The following ARHGEF7 variants were observed in gnomAD, a reference collection of about 807,000 sequenced individuals.
The protein encoded by ARHGEF7 is PAK-interacting exchange factor beta.
A neutral mutation model predicts 109.8 loss-of-function variants in ARHGEF7; 33 were observed. That is an observed-to-expected ratio of 0.30 (90% confidence interval 0.23 to 0.40). The LOEUF (loss-of-function observed/expected upper bound fraction) is 0.40. Among genes scored for constraint, ARHGEF7 ranks in the 10% least tolerant of loss-of-function variants. The pLI, the probability that ARHGEF7 is intolerant of heterozygous loss-of-function variation, is 1.00. For missense variants in ARHGEF7, 938 were observed against 1,098.5 expected, an observed-to-expected ratio of 0.85 and a Z score of 2.07; for synonymous variants, 458 against 424.6, an observed-to-expected ratio of 1.08 and a Z score of -0.97.
intron 19 of ARHGEF7, among the ~76,000 whole-genome samples, chr13:111,298,342 C>T (rs921339530): frequency 2.0e-5 from 3 of 152,214 alleles, no homozygotes; most frequent in African/African-American, 7.2e-5. Flanking sequence ...GGCTGGCACC[C>T]CATGCTCTGC....
At chr13:111,181,772 T>C (rs1191963667) in intron 2 of ARHGEF7, among the ~76,000 whole-genome samples, 1 of 152,062 alleles carries the variant, frequency 6.6e-6, no homozygotes, top group South Asian at 2.1e-4. Flanking sequence ...GCAGCTGTCA[T>C]GGGGTTGGGA....
rs560122781 is a variant in ARHGEF7, at chr13:111,248,474, T to C, written c.950+4180T>C. Among the ~76,000 whole-genome samples, 24 of 152,232 alleles carry C rather than the reference T, an allele frequency of 1.6e-4. 1 individual carries two copies. The highest frequency in any genetic ancestry group is 5.5e-4 in the African/African-American group (23 of 41,488). ...TTCAAATATTTTGCTGCTTTACTGT[T>C]TCTACTCTGCCTTGGGGCTCCAGTT... is the stretch of plus-strand genomic sequence containing the variant. On this transcript the variant is annotated intron_variant, in intron 8 of 21. Transcript: ENST00000646102.
intron 3 of ARHGEF7, among the ~76,000 whole-genome samples, chr13:111,208,869 G>A (rs1287553828): frequency 6.6e-6 from 1 of 152,178 alleles, no homozygotes; most frequent in Non-Finnish European, 1.5e-5. Flanking sequence ...AAGGGCATGG[G>A]TGCTGGGTCC....
chr13:111,293,040 C>G (rs1285123946), intron 19 of ARHGEF7: 1 of 985,296 alleles, frequency 1.0e-6, no homozygotes, highest in Non-Finnish European at 1.2e-6. Context: ...GATGTTCACT[C>G]GCATCTTCAC....
chr13:111,195,600 C>T (rs539140576), intron 2 of ARHGEF7, among the ~76,000 whole-genome samples: 81 of 152,306 alleles, frequency 5.3e-4, no homozygotes, highest in Non-Finnish European at 9.3e-4. Flanking sequence ...CAAGAGCTGG[C>T]GCTTGCTCTG....
intron 2 of ARHGEF7, among the ~76,000 whole-genome samples, chr13:111,160,950 A>AGT (rs2076694966): frequency 6.6e-6 from 1 of 152,214 alleles, no homozygotes. Context: ...TCTTTGTAAC[A>AGT]GTGTGAACGT....
chr13:111,225,803 C>A (rs528899907), intron 5 of ARHGEF7, among the ~76,000 whole-genome samples: 1 of 152,190 alleles, frequency 6.6e-6, no homozygotes, highest in East Asian at 1.9e-4. Flanking sequence ...CCATGTTTTT[C>A]CCCAGGCCAC....
chr13:111,281,825 C>T (rs72653558), intron 15 of ARHGEF7, among the ~76,000 whole-genome samples: 16,545 of 152,232 alleles, frequency 0.11, 1,218 homozygotes, highest in Middle Eastern at 0.2. Flanking sequence ...ATCCCTTCAG[C>T]GGGGAAGGCA....
intron 19 of ARHGEF7, chr13:111,295,136 T>C (rs1415471830): frequency 1.2e-5 from 12 of 984,856 alleles, no homozygotes; most frequent in Non-Finnish European, 1.4e-5. Context: ...ATGAAGTGTT[T>C]GTTTTATATT....
At chr13:111,124,476 T>C (rs561783330) in intron 1 of ARHGEF7, among the ~76,000 whole-genome samples, 5 of 152,246 alleles carry the variant, frequency 3.3e-5, no homozygotes, top group Non-Finnish European at 7.3e-5. Context: ...CTCCTGTCCA[T>C]GCTGGCCCTC....
At chr13:111,183,719 C>G (rs1429794469) in intron 2 of ARHGEF7, among the ~76,000 whole-genome samples, 7 of 152,204 alleles carry the variant, frequency 4.6e-5, no homozygotes, top group Admixed American at 1.3e-4. Flanking sequence ...TATACTTGCT[C>G]TGTCTCTCAC....
chr13:111,174,856 G>A (rs2077974191), intron 2 of ARHGEF7, among the ~76,000 whole-genome samples: 1 of 152,210 alleles, frequency 6.6e-6, no homozygotes, highest in Admixed American at 6.5e-5. Context: ...CTAGGCGTGC[G>A]AGGACTAGAA....
rs1267061421 is a variant in ARHGEF7 at position 111,282,910 on chromosome 13, C to T, written c.1726-229C>T. ...CCCCAGCTAGAGCTGCCCCTCCTGTCTGGGGCAGACGCCGTGAGGAGCCCC... is the reference window on the plus strand; with the variant it reads ...CCCCAGCTAGAGCTGCCCCTCCTGTTTGGGGCAGACGCCGTGAGGAGCCCC... On this transcript the variant is annotated intron_variant, in intron 15 of 21. Coordinates refer to ENST00000646102, the MANE Select transcript of ARHGEF7 (RefSeq NM_001354046.2). The T allele has an allele frequency of 2.0e-5, 13 of 638,046 alleles. No individual in the cohort carries two copies. In the East Asian group the frequency reaches 3.3e-4, roughly 16 times the overall value. The allele number at this position is 638,046 out of a possible 1,614,324, so 39.5% of individuals were successfully genotyped here.
chr13:111,181,155 G>A (rs948457996), intron 2 of ARHGEF7, among the ~76,000 whole-genome samples: 1 of 152,186 alleles, frequency 6.6e-6, no homozygotes, highest in African/African-American at 2.4e-5. Context: ...GATTCTGTGT[G>A]TATTGGTTAC....
chr13:111,118,852 G>C (rs761597928), intron 1 of ARHGEF7, among the ~76,000 whole-genome samples: 1 of 152,196 alleles, frequency 6.6e-6, no homozygotes, highest in Non-Finnish European at 1.5e-5. Flanking sequence ...TTCTCTGTGT[G>C]TCCCAGGAGA....
chr13:111,229,010 C>T (rs1369958279), intron 5 of ARHGEF7, among the ~76,000 whole-genome samples: 2 of 151,960 alleles, frequency 1.3e-5, no homozygotes, highest in East Asian at 1.9e-4. Flanking sequence ...GTGTGTTCTT[C>T]TCAAAAGAGG....
At chr13:111,247,120 C>G (rs1440599407) in intron 8 of ARHGEF7, among the ~76,000 whole-genome samples, 1 of 152,172 alleles carries the variant, frequency 6.6e-6, no homozygotes, top group African/African-American at 2.4e-5. Context: ...TTTTCTTTCT[C>G]AGCTATTTCT....
chr13:111,302,099 G>A (rs1414408560), intron 21 of ARHGEF7, among the ~76,000 whole-genome samples: 2 of 152,120 alleles, frequency 1.3e-5, no homozygotes, highest in Non-Finnish European at 1.5e-5. Flanking sequence ...TCTGTCTGGT[G>A]ACAAATCCTG....
intron 15 of ARHGEF7, among the ~76,000 whole-genome samples, chr13:111,282,032 A>T (rs1012641610): frequency 1.3e-5 from 2 of 152,260 alleles, no homozygotes; most frequent in African/African-American, 2.4e-5. Context: ...GATGTCTTAC[A>T]TAATTTTATC....
Sources: allele counts gnomAD v4.1 joint callset (sites outside exome capture counted in the v4.1 genomes callset), GRCh38; gene constraint gnomAD v4.1.1; transcripts MANE v1.5; gene names NCBI Gene and HGNC (gene_info 2026-07-23, HGNC 2026-07-21).